ITPR1: variants seen among roughly 807,000 people sequenced by gnomAD.
ITPR1 encodes the protein inositol 1,4,5-trisphosphate-gated calcium channel ITPR1.
Under a neutral mutation model 318.4 loss-of-function variants are expected in ITPR1, and 96 were observed. The observed-to-expected ratio is 0.30, with a 90% confidence interval of 0.26 to 0.36. The LOEUF is 0.36. Ranked by LOEUF, ITPR1 falls within the 10% of genes least tolerant of loss-of-function variation. ITPR1 has a pLI of 1.00. For synonymous variants in ITPR1, 1,312 were observed against 1,289.9 expected (o/e 1.02, Z -0.37); for missense variants, 2,440 against 3,460.2 (o/e 0.71, Z 7.40).
chr3:4,682,764 C>T (rs1035432350), intron 26 of ITPR1, among the ~76,000 whole-genome samples: 1 of 152,170 alleles, frequency 6.6e-6, no homozygotes, highest in African/African-American at 2.4e-5. Context: ...TTCTTATTAG[C>T]CAGCAACCAG....
intron 2 of ITPR1, among the ~76,000 whole-genome samples, chr3:4,510,472 G>A (rs1380798828): frequency 6.6e-6 from 1 of 152,238 alleles, no homozygotes; most frequent in Non-Finnish European, 1.5e-5. Context: ...CTGAGACTCA[G>A]GTTAGCAGGG....
rs2048162385 is a variant in ITPR1, at chr3:4,800,553, T to C, written c.7060T>C (p.Phe2354Leu). 1 of 1,614,030 alleles carries C rather than the reference T, an allele frequency of 6.2e-7. No homozygotes were observed. The highest frequency in any genetic ancestry group is 1.3e-5 in the African/African-American group (1 of 75,054). Residue 2354 changes from phenylalanine to leucine, a missense_variant, in exon 54 of 62, where the codon TTT (phenylalanine) becomes CTT (leucine). Phe to Leu is a conservative substitution (Grantham distance 22, BLOSUM62 0). This residue lies in a region of ITPR1 where 126 missense variants were observed against 150.8 expected (regional missense o/e 0.84). Transcript: ENST00000649015. ...LIASTILRLI[F>L]SVGLQPTLFL... ...TGCCTCCACAATTCTACGACTGATA[T>C]TTTCAGTCGGGTTACAACCCACGTT...
intron 4 of ITPR1, 97 bp from the exon 5 acceptor site, chr3:4,627,666 T>G (rs776148416): frequency 1.4e-6 from 1 of 740,066 alleles, no homozygotes; most frequent in East Asian, 2.5e-5. Flanking sequence ...TGATGTAATT[T>G]TATGTAATTT....
intron 10 of ITPR1, among the ~76,000 whole-genome samples, chr3:4,650,920 C>A (rs1375261251): frequency 6.6e-6 from 1 of 152,088 alleles, no homozygotes; most frequent in Non-Finnish European, 1.5e-5. Context: ...GTCTGTTGTT[C>A]TTTAAAGAGT....
intron 42 of ITPR1, among the ~76,000 whole-genome samples, chr3:4,730,710 A>G: frequency 6.6e-6 from 1 of 152,106 alleles, no homozygotes; most frequent in Non-Finnish European, 1.5e-5. Context: ...AAAAGCCACC[A>G]CTAGAAACTG....
chr3:4,553,085 A>G (rs1011565578), intron 4 of ITPR1, among the ~76,000 whole-genome samples: 4 of 152,194 alleles, frequency 2.6e-5, no homozygotes, highest in African/African-American at 9.6e-5. Flanking sequence ...TGAGTGCACT[A>G]TAAAGAATAG....
intron 4 of ITPR1, among the ~76,000 whole-genome samples, chr3:4,547,940 C>T (rs775862635): frequency 1.3e-5 from 2 of 152,070 alleles, no homozygotes; most frequent in Non-Finnish European, 2.9e-5. Context: ...CATCCACTTA[C>T]GAAGCATAGC....
intron 17 of ITPR1, 97 bp from the exon 18 acceptor site, chr3:4,667,280 A>T (rs867191717): frequency 1.1e-6 from 1 of 891,782 alleles, no homozygotes; most frequent in African/African-American, 1.7e-5. Flanking sequence ...TAGGGGCAGT[A>T]GTTCTCATCA....
At chr3:4,504,653 G>A (rs1247299037) in intron 2 of ITPR1, among the ~76,000 whole-genome samples, 1 of 152,120 alleles carries the variant, frequency 6.6e-6, no homozygotes, top group African/African-American at 2.4e-5. Flanking sequence ...AAAATGTGCT[G>A]TTCCTCCTCA....
At chr3:4,661,471 A>G (rs78377174) in intron 14 of ITPR1, among the ~76,000 whole-genome samples, 263 of 152,206 alleles carry the variant, frequency 1.7e-3, no homozygotes, top group African/African-American at 5.4e-3. Flanking sequence ...CTATATGTCA[A>G]TATACACTTT....
intron 4 of ITPR1, among the ~76,000 whole-genome samples, chr3:4,521,857 G>A (rs2082594969): frequency 6.6e-6 from 1 of 151,576 alleles, no homozygotes; most frequent in Non-Finnish European, 1.5e-5. Flanking sequence ...GCGACAAAGT[G>A]AGACCCTGTC....
intron 4 of ITPR1, among the ~76,000 whole-genome samples, chr3:4,591,891 G>A (rs1237219628): frequency 6.6e-6 from 1 of 152,074 alleles, no homozygotes; most frequent in Non-Finnish European, 1.5e-5. Flanking sequence ...TTAACAGTCA[G>A]ATCTGACATA....
chr3:4,648,718 G>A (rs143739792), intron 10 of ITPR1, among the ~76,000 whole-genome samples: 1,565 of 152,302 alleles, frequency 0.01, 19 homozygotes, highest in African/African-American at 0.036. Flanking sequence ...GCTGAGGCAC[G>A]AGAATCACTT....
chr3:4,717,472 G>A (rs1355228232), intron 40 of ITPR1, 73 bp downstream of exon 40: 1 of 1,210,814 alleles, frequency 8.3e-7, no homozygotes. Context: ...AGTTAGCCCT[G>A]TGATCCTTCC....
At chr3:4,627,356 C>T (rs894730619) in intron 4 of ITPR1, among the ~76,000 whole-genome samples, 10 of 152,110 alleles carry the variant, frequency 6.6e-5, no homozygotes, top group African/African-American at 2.4e-4. Context: ...CCCAGCTACT[C>T]AGGAGGCTGA....
chr3:4,825,937 C>T (rs939703656), intron 60 of ITPR1: 2 of 366,478 alleles, frequency 5.5e-6, no homozygotes, highest in East Asian at 7.4e-5. Flanking sequence ...ACCGGAGCCA[C>T]GAAATGAGCC....
intron 44 of ITPR1, among the ~76,000 whole-genome samples, chr3:4,765,017 A>C (rs1164894253): frequency 6.6e-6 from 1 of 151,386 alleles, no homozygotes. Context: ...TGGATGGATG[A>C]GTAGGTAGAT....
At chr3:4,654,601 T>C (rs2093665023) in intron 12 of ITPR1, among the ~76,000 whole-genome samples, 1 of 152,214 alleles carries the variant, frequency 6.6e-6, no homozygotes. Context: ...TGGTCTAGGA[T>C]TGAAACAGTT....
At chr3:4,625,989 T>A (rs374628849) in intron 4 of ITPR1, among the ~76,000 whole-genome samples, 82 of 152,306 alleles carry the variant, frequency 5.4e-4, no homozygotes, top group Middle Eastern at 3.4e-3. Flanking sequence ...TGATGACATA[T>A]CCCTGTCAGA....
Sources: gnomAD v4.1 joint callset for allele counts (sites outside exome capture counted in the v4.1 genomes callset) on GRCh38, gnomAD v4.1.1 for gene constraint, gnomAD v4.1.1 regional missense constraint, MANE v1.5 for transcripts, NCBI Gene and HGNC (gene_info 2026-07-23, HGNC 2026-07-21) for gene names.